The following PRIM2 variants were observed in gnomAD, a reference collection of about 807,000 sequenced individuals.
PRIM2 encodes the protein DNA primase subunit 2.
A neutral mutation model predicts 67.3 loss-of-function variants in PRIM2; 39 were observed. The ratio of observed to expected loss-of-function variants is 0.58; its 90% CI spans 0.45 to 0.76. PRIM2 has a LOEUF of 0.76. Ranked by LOEUF, PRIM2 falls within the 30% of genes least tolerant of loss-of-function variation. The pLI, the probability that PRIM2 is intolerant of heterozygous loss-of-function variation, is 0.00. For synonymous variants in PRIM2, 143 were observed against 198.7 expected, an observed-to-expected ratio of 0.72 and a Z score of 2.36; for missense variants, 398 against 598.7, an observed-to-expected ratio of 0.66 and a Z score of 3.50.
intron 7 of PRIM2, among the ~76,000 whole-genome samples, chr6:57,477,051 C>T (rs1384531527): frequency 4.6e-5 from 7 of 152,172 alleles, no homozygotes; most frequent in Non-Finnish European, 7.3e-5. Flanking sequence ...ATTGCAGTAG[C>T]GTGACCACAG....
chr6:57,621,712 A>C (rs1184733331), intron 12 of PRIM2, among the ~76,000 whole-genome samples: 1 of 152,202 alleles, frequency 6.6e-6, no homozygotes, highest in Non-Finnish European at 1.5e-5. Flanking sequence ...AGAAAAAAGA[A>C]GAGTTACAAA....
intron 7 of PRIM2, among the ~76,000 whole-genome samples, chr6:57,407,225 G>C (rs535592488): frequency 6.6e-6 from 1 of 152,116 alleles, no homozygotes; most frequent in Non-Finnish European, 1.5e-5. Context: ...TTTTGGCGGG[G>C]CAACTATAAT....
intron 7 of PRIM2, among the ~76,000 whole-genome samples, chr6:57,428,365 A>G (rs1218478623): frequency 2.0e-5 from 3 of 152,346 alleles, no homozygotes; most frequent in East Asian, 1.9e-4. Context: ...AAACTAACAA[A>G]CAGACATTAG....
chr6:57,632,280 A>G lies in PRIM2; in HGVS notation c.1299+79A>G, dbSNP rs1239192444. The G allele has an allele frequency of 9.3e-5, 70 of 755,460 alleles. 1 individual carries two copies. Among genetic ancestry groups the G allele is most frequent in the Middle Eastern group, 3.3e-4 (1 of 3,032 alleles). The allele number at this position is 755,460 out of a possible 1,614,324, so 46.8% of individuals were successfully genotyped here. A position where few individuals can be genotyped will look rare whatever the true frequency, so the allele number is the denominator to read the frequency against. ...CACATTCAGGGTTTTTAGTTGCAGC[A>G]ATGGAAACCACTCTAGCTATTTTCA... is the stretch of plus-strand genomic sequence containing the variant. On this transcript the variant is annotated intron_variant, in intron 13 of 13. Coordinates refer to ENST00000615550, the MANE Select transcript of PRIM2 (RefSeq NM_000947.5).
chr6:57,634,005 A>C (rs1777077727), intron 13 of PRIM2, among the ~76,000 whole-genome samples: 1 of 152,210 alleles, frequency 6.6e-6, no homozygotes, highest in African/African-American at 2.4e-5. Flanking sequence ...TGACAGCAAG[A>C]TACTATATGT....
chr6:57,466,858 G>A (rs1317416581), intron 7 of PRIM2, among the ~76,000 whole-genome samples: 5 of 152,066 alleles, frequency 3.3e-5, no homozygotes, highest in Non-Finnish European at 5.9e-5. Flanking sequence ...AGTGGCTCAC[G>A]CCTGTAATCC....
the PRIM2 span, among the ~76,000 whole-genome samples, chr6:57,232,651 A>G: frequency 6.6e-6 from 1 of 152,256 alleles, no homozygotes; most frequent in Non-Finnish European, 1.5e-5. Flanking sequence ...ATGCTAATTT[A>G]TTAACCTGTA....
At chr6:57,354,263 T>C (rs1768957540) in intron 5 of PRIM2, among the ~76,000 whole-genome samples, 1 of 152,194 alleles carries the variant, frequency 6.6e-6, no homozygotes. Context: ...TCTTAAAAAA[T>C]GCGATTTGAA....
intron 10 of PRIM2, among the ~76,000 whole-genome samples, chr6:57,582,042 C>G (rs1776092854): frequency 6.6e-6 from 1 of 152,194 alleles, no homozygotes; most frequent in Non-Finnish European, 1.5e-5. Flanking sequence ...CCAGGCTGGT[C>G]TCAAACTCCT....
At chr6:57,626,196 A>G (rs1188280966) in intron 12 of PRIM2, among the ~76,000 whole-genome samples, 2 of 152,246 alleles carry the variant, frequency 1.3e-5, no homozygotes, top group Admixed American at 1.3e-4. Context: ...CTGCCAGGTA[A>G]TCATCTGAAC....
chr6:57,244,095 G>A, the PRIM2 span, among the ~76,000 whole-genome samples: 3 of 152,086 alleles, frequency 2.0e-5, no homozygotes, highest in Non-Finnish European at 4.4e-5. Context: ...AGCCTGTGAC[G>A]TCTGAGTTTG....
chr6:57,233,010 A>C, the PRIM2 span, among the ~76,000 whole-genome samples: 3 of 152,252 alleles, frequency 2.0e-5, no homozygotes, highest in African/African-American at 7.2e-5. Flanking sequence ...GAGAAATACT[A>C]GCAAAGATAT....
At chr6:57,285,592 G>T in the PRIM2 span, among the ~76,000 whole-genome samples, 3 of 152,086 alleles carry the variant, frequency 2.0e-5, no homozygotes, top group Non-Finnish European at 4.4e-5. Context: ...CTAAAAACTC[G>T]CAATAAACTA....
the PRIM2 span, among the ~76,000 whole-genome samples, chr6:57,294,240 GA>G: frequency 6.6e-6 from 1 of 152,186 alleles, no homozygotes; most frequent in Non-Finnish European, 1.5e-5. Flanking sequence ...AGCACTTTGG[GA>G]GGCGTAGGTG....
At chr6:57,527,730 T>A (rs1183878232) in intron 8 of PRIM2, among the ~76,000 whole-genome samples, 1 of 152,222 alleles carries the variant, frequency 6.6e-6, no homozygotes, top group Non-Finnish European at 1.5e-5. Context: ...CCCCCAGCTA[T>A]CCTTAACTAG....
the PRIM2 span, among the ~76,000 whole-genome samples, chr6:57,240,250 C>G: frequency 6.6e-6 from 1 of 152,004 alleles, no homozygotes; most frequent in South Asian, 2.1e-4. Flanking sequence ...TACAGGCATG[C>G]GCCAACCGCG....
chr6:57,418,279 A>G (rs5005222), intron 7 of PRIM2, among the ~76,000 whole-genome samples: 3 of 151,576 alleles, frequency 2.0e-5, no homozygotes, highest in Non-Finnish European at 1.5e-5. Flanking sequence ...GTCAAAAGGA[A>G]GTTTTAAAAA....
At chr6:57,504,635 A>G (rs1483969682) in intron 7 of PRIM2, among the ~76,000 whole-genome samples, 5 of 152,180 alleles carry the variant, frequency 3.3e-5, no homozygotes, top group Admixed American at 2.0e-4. Flanking sequence ...GCAAACTGTG[A>G]TAGATCTTCC....
chr6:57,391,333 C>CTG (rs1770338614), intron 7 of PRIM2, among the ~76,000 whole-genome samples: 1 of 147,714 alleles, frequency 6.8e-6, no homozygotes, highest in African/African-American at 2.5e-5. Flanking sequence ...TGTAGGTTGT[C>CTG]TGTGTACTCT....
Sources: allele counts gnomAD v4.1 joint callset (sites outside exome capture counted in the v4.1 genomes callset), GRCh38; gene constraint gnomAD v4.1.1; transcripts MANE v1.5; gene names NCBI Gene and HGNC (gene_info 2026-07-23, HGNC 2026-07-21).